The following ITGA4 variants were observed in gnomAD, a reference collection of about 807,000 sequenced individuals.
The protein encoded by ITGA4 is integrin subunit alpha 4.
A neutral mutation model predicts 133.6 loss-of-function variants in ITGA4; 63 were observed. That is an observed-to-expected ratio of 0.47 (90% CI 0.38 to 0.58). The LOEUF (loss-of-function observed/expected upper bound fraction) is 0.58, where lower values mean the gene tolerates loss of function less well. Among genes scored for constraint, ITGA4 ranks in the 20% least tolerant of loss-of-function variants. ITGA4 has a pLI of 0.00. For missense variants in ITGA4, 1,076 were observed against 1,252.7 expected (o/e 0.86, Z 2.13); for synonymous variants, 483 against 438.0 (o/e 1.10, Z -1.28).
At chr2:181,488,201 G>T (rs1685963821) in intron 10 of ITGA4, among the ~76,000 whole-genome samples, 1 of 152,286 alleles carries the variant, frequency 6.6e-6, no homozygotes, top group African/African-American at 2.4e-5. Context: ...CCTGGGAAAA[G>T]CCCAAGTAAT....
chr2:181,475,887 G>C, intron 4 of ITGA4: 1 of 1,585,578 alleles, frequency 6.3e-7, no homozygotes, highest in African/African-American at 1.3e-5. Context: ...TGTCAACAGA[G>C]CATGTCAGAG....
Position 181,481,587 on chromosome 2 carries a change from T to C in ITGA4, c.755-11T>C, listed in dbSNP as rs1685805143. ...ACCCAGGACTCTCATACTTTCTCCC[T>C]TTTCTTAAAGGATATTCAGTCGGAG... On this transcript the variant is annotated splice_polypyrimidine_tract_variant and intron_variant, in intron 6 of 27. Transcript: ENST00000397033. The C allele has an allele frequency of 3.9e-6, 6 of 1,540,762 alleles. No homozygotes were observed. Among genetic ancestry groups the C allele is most frequent in the Non-Finnish European group, 5.4e-6 (6 of 1,120,062 alleles).
intron 10 of ITGA4, among the ~76,000 whole-genome samples, chr2:181,492,036 T>C (rs77399387): frequency 3.7e-3 from 568 of 152,380 alleles, no homozygotes; most frequent in Non-Finnish European, 6.3e-3. Flanking sequence ...CCTCCTCATA[T>C]GCTGTGTTAT....
chr2:181,526,734 T>C (rs748352538), intron 21 of ITGA4, among the ~76,000 whole-genome samples: 7 of 147,474 alleles, frequency 4.7e-5, no homozygotes, highest in Non-Finnish European at 1.0e-4. Context: ...GAATGGTCAG[T>C]AGAATGAAAA....
At chr2:181,463,563 T>A (rs1685339424) in intron 2 of ITGA4, among the ~76,000 whole-genome samples, 1 of 152,146 alleles carries the variant, frequency 6.6e-6, no homozygotes, top group Admixed American at 6.6e-5. Flanking sequence ...TGAGTGAGAA[T>A]GTTCCAAAGA....
intron 9 of ITGA4, among the ~76,000 whole-genome samples, chr2:181,485,326 A>G (rs1685891095): frequency 6.6e-6 from 1 of 152,162 alleles, no homozygotes; most frequent in South Asian, 2.1e-4. Context: ...TTTTCTCTGT[A>G]TATCAAAATT....
chr2:181,535,568 T>C lies in ITGA4; in HGVS notation c.*41T>C, dbSNP rs1389389836. 3 of 1,550,114 alleles carry C rather than the reference T, an allele frequency of 1.9e-6. No individual in the cohort carries two copies. Among genetic ancestry groups the C allele is most frequent in the Non-Finnish European group, 2.6e-6 (3 of 1,152,180 alleles). On this transcript the variant is annotated 3_prime_UTR_variant, in exon 28 of 28. Coordinates refer to ENST00000397033, the MANE Select transcript of ITGA4 (RefSeq NM_000885.6). ...TGAGAGAATGGAAAACAGACTCAGG[T>C]TGTAGTAAAGAAATTTAAAAGACAC...
rs376911479 is a variant in ITGA4 at position 181,524,178 on chromosome 2, T to C, written c.2177T>C (p.Ile726Thr). 6.2e-6 allele frequency: 10 copies of C among 1,600,530 alleles called. No individual in the cohort carries two copies. The highest frequency in any genetic ancestry group is 1.3e-5 in the African/African-American group (1 of 74,098). Residue 726 changes from isoleucine (I) to threonine (T), a missense_variant, in exon 20 of 28, where the codon ATT (isoleucine) becomes ACT (threonine). Around this residue, in one of 4 missense-constraint regions of ITGA4, gnomAD observed 365 missense variants for 421.4 expected, o/e 0.87. Transcript: ENST00000397033. ...CTGGTCTGTGTTTTACAGATAGATA[T>C]TAGCTTTCTCCTGGATGTGAGCTCA... The part of the protein sequence containing the change: ...IYVDHLSRID[I>T]SFLLDVSSLS...
chr2:181,494,746 A>T lies in ITGA4; in HGVS notation c.1273A>T (p.Lys425Ter). The T allele has an allele frequency of 6.2e-7, 1 of 1,603,934 alleles. No homozygotes were observed. The highest frequency in any genetic ancestry group is 8.5e-7 in the Non-Finnish European group (1 of 1,170,914). Residue 425 changes from lysine (K) to a stop codon, truncating the protein, a stop_gained, in exon 12 of 28, where the codon AAA (lysine) becomes TAA (stop). Transcript: ENST00000397033. LOFTEE classifies it high-confidence loss of function. ...GAGAATTGAAGGACTTCAGATCAGC[A>T]AATCGTTAAGTATGTTTGGACAGTC... ...SQRIEGLQIS[K>*]SLSMFGQSIS...
intron 10 of ITGA4, among the ~76,000 whole-genome samples, chr2:181,489,537 T>C (rs1363863597): frequency 6.2e-5 from 3 of 48,736 alleles, no homozygotes; most frequent in Non-Finnish European, 2.1e-4. Flanking sequence ...TTTTAGACTA[T>C]ATGTCTGAAT....
chr2:181,511,041 CTCTT>C (rs1686496466), intron 16 of ITGA4, among the ~76,000 whole-genome samples: 2 of 152,016 alleles, frequency 1.3e-5, no homozygotes, highest in Non-Finnish European at 2.9e-5. Flanking sequence ...TTCTAGATCT[CTCTT>C]TGTTTTCTGC....
chr2:181,471,019 C>T (rs1198859609), intron 2 of ITGA4, among the ~76,000 whole-genome samples: 2 of 152,094 alleles, frequency 1.3e-5, no homozygotes, highest in African/African-American at 4.8e-5. Flanking sequence ...TGGGGGCTGC[C>T]TCTATGGTAA....
intron 25 of ITGA4, among the ~76,000 whole-genome samples, chr2:181,532,206 T>G (rs1226195020): frequency 1.3e-5 from 2 of 152,206 alleles, no homozygotes; most frequent in Non-Finnish European, 2.9e-5. Context: ...CCTCCAGCTT[T>G]CTTTTTGCTT....
chr2:181,491,961 T>G (rs1424701766), intron 10 of ITGA4, among the ~76,000 whole-genome samples: 3 of 152,198 alleles, frequency 2.0e-5, no homozygotes, highest in Non-Finnish European at 4.4e-5. Context: ...CTATGACCTA[T>G]GGATACTTTA....
chr2:181,532,727 CTT>C (rs1424825374), intron 25 of ITGA4, among the ~76,000 whole-genome samples: 1 of 152,170 alleles, frequency 6.6e-6, no homozygotes, highest in African/African-American at 2.4e-5. Flanking sequence ...TTTGAATACC[CTT>C]TGTTGCTTTC....
intron 9 of ITGA4, 123 bp from the exon 10 acceptor site, chr2:181,485,756 TCA>T (rs1300262507): frequency 7.0e-6 from 5 of 712,354 alleles, no homozygotes; most frequent in Admixed American, 3.0e-5. Flanking sequence ...GTACTAAAGC[TCA>T]GTCTGTAGTT....
chr2:181,493,403 C>T lies in ITGA4; in HGVS notation c.1232C>T (p.Ser411Leu), dbSNP rs775673168. Residue 411 changes from serine to leucine, a missense_variant, in exon 11 of 28, where the codon TCG becomes TTG. By Grantham distance (145) the Ser-to-Leu change is moderately radical. Coordinates refer to ENST00000397033, the MANE Select transcript of ITGA4 (RefSeq NM_000885.6). ...YIYNGRADGI[S>L]STFSQRIEGL... ...TACAATGGCCGTGCAGATGGGATCT[C>T]GTCAACCTTCTCACAGGTAAGGTAC... 23 of 1,606,204 alleles carry T rather than the reference C, an allele frequency of 1.4e-5. No individual in the cohort carries two copies. The highest frequency in any genetic ancestry group is 1.3e-4 in the Admixed American group (8 of 59,778).
At chr2:181,482,105 T>C in intron 7 of ITGA4, among the ~76,000 whole-genome samples, 1 of 152,180 alleles carries the variant, frequency 6.6e-6, no homozygotes, top group African/African-American at 2.4e-5. Flanking sequence ...TTTTGAAAAC[T>C]GAGGCAAACA....
chr2:181,504,543 C>T (rs1183470986), intron 15 of ITGA4, among the ~76,000 whole-genome samples: 1 of 151,956 alleles, frequency 6.6e-6, no homozygotes. Flanking sequence ...TTCATATATG[C>T]AGACATTTCT....
Sources: gnomAD v4.1 joint callset for allele counts (sites outside exome capture counted in the v4.1 genomes callset) on GRCh38, gnomAD v4.1.1 for gene constraint, gnomAD v4.1.1 regional missense constraint, MANE v1.5 for transcripts, NCBI Gene and HGNC (gene_info 2026-07-23, HGNC 2026-07-21) for gene names.